The following WDR37 variants were observed in gnomAD, a reference collection of about 807,000 sequenced individuals.
The protein encoded by WDR37 is WD repeat-containing protein 37.
A neutral mutation model predicts 62.9 loss-of-function variants in WDR37; 19 were observed. The ratio of observed to expected loss-of-function variants is 0.30; its 90% confidence interval spans 0.21 to 0.44. The LOEUF (loss-of-function observed/expected upper bound fraction) is 0.44. WDR37 is among the 20% of genes least tolerant of loss of function. The pLI is 1.00. For synonymous variants in WDR37, 250 were observed against 260.9 expected (o/e 0.96, Z 0.40); for missense variants, 474 against 657.6 (o/e 0.72, Z 3.05).
chr10:1,061,117 G>A (rs1833359432), intron 1 of WDR37, among the ~76,000 whole-genome samples: 1 of 152,172 alleles, frequency 6.6e-6, no homozygotes, highest in Admixed American at 6.5e-5. Context: ...GATGTTATGA[G>A]GATTAGTGAC....
chr10:1,064,282 A>G (rs1272882280), intron 1 of WDR37, among the ~76,000 whole-genome samples: 1 of 152,176 alleles, frequency 6.6e-6, no homozygotes, highest in East Asian at 1.9e-4. Context: ...ACTGGAAAAA[A>G]GTGAGCAGAG....
chr10:1,098,849 G>GCT (rs1178317057), intron 9 of WDR37, among the ~76,000 whole-genome samples: 1 of 152,202 alleles, frequency 6.6e-6, no homozygotes. Context: ...CTAGAAAGAT[G>GCT]CTCCTTCACC....
At chr10:1,112,777 C>A (rs1362720152) in intron 11 of WDR37, among the ~76,000 whole-genome samples, 1 of 152,314 alleles carries the variant, frequency 6.6e-6, no homozygotes, top group East Asian at 1.9e-4. Context: ...CCTGACTCTT[C>A]AATTCTGTGA....
chr10:1,102,365 G>A (rs1010621092), intron 9 of WDR37, among the ~76,000 whole-genome samples: 8 of 151,640 alleles, frequency 5.3e-5, no homozygotes, highest in African/African-American at 1.9e-4. Context: ...TGCTCATGAC[G>A]TGCCTGTGTT....
In WDR37 at chr10:1,078,228, A is replaced by C. The variant is rs149584806; in HGVS notation, c.235+225A>C. Among the ~76,000 whole-genome samples the C allele has an allele frequency of 7.5e-3, 1,135 of 152,316 alleles. 19 individuals are homozygous for C. The highest frequency in any genetic ancestry group is 0.026 in the African/African-American group (1,070 of 41,576). On this transcript the variant is annotated intron_variant, in intron 3 of 13. Coordinates refer to ENST00000263150, the MANE Select transcript of WDR37 (RefSeq NM_014023.4). ...AGTAAATAAATAAAAATAAAAAATAAAAAATACATGGATCTTATCATTTTC... is the reference window on the plus strand; with the variant it reads ...AGTAAATAAATAAAAATAAAAAATACAAAATACATGGATCTTATCATTTTC...
At chr10:1,110,346 T>C (rs964077420) in intron 11 of WDR37, among the ~76,000 whole-genome samples, 1 of 152,220 alleles carries the variant, frequency 6.6e-6, no homozygotes, top group Non-Finnish European at 1.5e-5. Flanking sequence ...ACGTGCCTCA[T>C]AATGAGAAAA....
In WDR37 at chr10:1,116,283, G is replaced by A. The variant is rs150714313; in HGVS notation, c.1104-7935G>A. Among the ~76,000 whole-genome samples the A allele has an allele frequency of 1.4e-3, 213 of 149,332 alleles. 6 individuals carry two copies. The East Asian group carries it at 0.034, about 24-fold the overall frequency. On this transcript the variant is annotated intron_variant, in intron 11 of 13. Coordinates refer to ENST00000263150, the MANE Select transcript of WDR37 (RefSeq NM_014023.4). ...CCCTGTCCATCACCCACCCCGCCCC[G>A]GGTCTCTGCCATGTCTCTCAGTCCT... is the stretch of plus-strand genomic sequence containing the variant.
At chr10:1,069,389 A>ATATATATATTTTTTTT in intron 1 of WDR37, among the ~76,000 whole-genome samples, 1 of 95,806 alleles carries the variant, frequency 1.0e-5, no homozygotes, top group African/African-American at 4.7e-5. Flanking sequence ...ATATATATAT[A>ATATATATATTTTTTTT]TTTTTTTTTT....
chr10:1,069,529 G>A (rs1428933143), intron 1 of WDR37, among the ~76,000 whole-genome samples: 1 of 151,242 alleles, frequency 6.6e-6, no homozygotes, highest in African/African-American at 2.4e-5. Context: ...ATTAAATTGA[G>A]TGGAAAAAAG....
chr10:1,069,239 A>G (rs996413258), intron 1 of WDR37, among the ~76,000 whole-genome samples: 1 of 151,756 alleles, frequency 6.6e-6, no homozygotes, highest in Non-Finnish European at 1.5e-5. Context: ...CTAAATATAC[A>G]TTTACCCTGT....
At chr10:1,101,355 G>A (rs1589108038) in intron 9 of WDR37, among the ~76,000 whole-genome samples, 1 of 152,154 alleles carries the variant, frequency 6.6e-6, no homozygotes, top group African/African-American at 2.4e-5. Context: ...CATAGATGGC[G>A]TCTTCTCCTG....
chr10:1,109,134 G>T (rs1835128224), intron 11 of WDR37, among the ~76,000 whole-genome samples: 1 of 152,182 alleles, frequency 6.6e-6, no homozygotes, highest in Non-Finnish European at 1.5e-5. Flanking sequence ...ACTGAGGCAT[G>T]AGGAGGCCAG....
intron 2 of WDR37, among the ~76,000 whole-genome samples, chr10:1,075,323 G>A (rs1452204696): frequency 1.4e-5 from 2 of 145,776 alleles, no homozygotes; most frequent in African/African-American, 5.2e-5. Flanking sequence ...GGGTACATGT[G>A]CACAACGAGC....
chr10:1,126,406 A>AT (rs1835778074), intron 13 of WDR37, among the ~76,000 whole-genome samples: 2 of 108,082 alleles, frequency 1.9e-5, no homozygotes, highest in Non-Finnish European at 3.9e-5. Context: ...ACTGTGTCTC[A>AT]GAAAAAAAAA....
chr10:1,076,953 CCA>C (rs1833896679), intron 2 of WDR37, among the ~76,000 whole-genome samples: 1 of 147,260 alleles, frequency 6.8e-6, no homozygotes, highest in Non-Finnish European at 1.5e-5. Context: ...TGAGCCGAGA[CCA>C]CACCATTGCA....
Position 1,078,361 on chromosome 10 carries a change from A to G in WDR37, c.235+358A>G, listed in dbSNP as rs760444568. 3.0e-4 allele frequency among the ~76,000 whole-genome samples: 45 copies of G among 152,346 alleles called. 1 individual carries two copies. Among genetic ancestry groups the G allele is most frequent in the Non-Finnish European group, 5.4e-4 (37 of 68,034 alleles). ...ACTATATCTGACTTATTAAAGACAAATCAAAACAATTTTGAATTAGCTTGG... is the reference window on the plus strand; with the variant it reads ...ACTATATCTGACTTATTAAAGACAAGTCAAAACAATTTTGAATTAGCTTGG... On this transcript the variant is annotated intron_variant, in intron 3 of 13. Transcript: ENST00000263150.
intron 1 of WDR37, among the ~76,000 whole-genome samples, chr10:1,058,671 C>T (rs1038160431): frequency 2.6e-5 from 4 of 152,154 alleles, no homozygotes; most frequent in African/African-American, 7.2e-5. Context: ...GCCTTCATTT[C>T]GTCAATGACA....
rs1833178431 is a variant in WDR37, at chr10:1,056,668, G to C, written c.-341G>C. 1 of 152,366 alleles carries C rather than the reference G, an allele frequency of 6.6e-6. No homozygotes were observed. Among genetic ancestry groups the C allele is most frequent in the Non-Finnish European group, 1.5e-5 (1 of 68,034 alleles). The allele number at this position is 152,366 out of a possible 1,614,324, so 9.4% of individuals were successfully genotyped here. A position where few individuals can be genotyped will look rare whatever the true frequency, so the allele number is the denominator to read the frequency against. On this transcript the variant is annotated 5_prime_UTR_variant, in exon 1 of 14. Coordinates refer to ENST00000263150, the MANE Select transcript of WDR37 (RefSeq NM_014023.4). ...GGCCCAGCAGCCGAAGGGGTCTTCA[G>C]CGCGCCCAGACCCCTCGGGGCTGCG...
At chr10:1,122,763 A>G (rs1278454500) in intron 11 of WDR37, among the ~76,000 whole-genome samples, 1 of 152,234 alleles carries the variant, frequency 6.6e-6, no homozygotes, top group African/African-American at 2.4e-5. Context: ...CTTTCCTTTG[A>G]TCACTGGTTA....
Sources: allele counts gnomAD v4.1 joint callset (sites outside exome capture counted in the v4.1 genomes callset), GRCh38; gene constraint gnomAD v4.1.1; transcripts MANE v1.5; gene names NCBI Gene and HGNC (gene_info 2026-07-23, HGNC 2026-07-21).